Variants in ARHGAP28 observed in about 807,000 individuals in gnomAD.
ARHGAP28 encodes Rho GTPase activating protein 28.
In ARHGAP28, 56 loss-of-function variants were observed where a neutral mutation model predicts 90.7. The observed-to-expected ratio is 0.62, with a 90% CI of 0.50 to 0.77. ARHGAP28 has a LOEUF of 0.77. Among genes scored for constraint, ARHGAP28 ranks in the 30% least tolerant of loss-of-function variants. ARHGAP28 has a pLI of 0.00. For synonymous variants in ARHGAP28, 308 were observed against 323.3 expected (o/e 0.95, Z 0.51); for missense variants, 869 against 900.9 (o/e 0.96, Z 0.45).
rs1377642040 is a variant in ARHGAP28, at chr18:6,912,352, T to G, written c.*198T>G. On this transcript the variant is annotated 3_prime_UTR_variant, in exon 18 of 18. Coordinates refer to ENST00000383472, the MANE Select transcript of ARHGAP28 (RefSeq NM_001366230.1). ...AATTCAACTGAAGCTTTCTCATGAC[T>G]TTTTTTTTTATAAAAGTAAAGGAAA... 2 of 283,254 alleles carry G rather than the reference T, an allele frequency of 7.1e-6. No individual in the cohort carries two copies. Among genetic ancestry groups the G allele is most frequent in the Admixed American group, 5.2e-5 (1 of 19,350 alleles). 17.5% of individuals were successfully genotyped at this position (283,254 alleles called of 1,614,324 possible). A position where few individuals can be genotyped will look rare whatever the true frequency, so the allele number is the denominator to read the frequency against.
At chr18:6,903,333 A>G (rs1225369141) in intron 16 of ARHGAP28, among the ~76,000 whole-genome samples, 2 of 152,242 alleles carry the variant, frequency 1.3e-5, no homozygotes, top group East Asian at 3.8e-4. Context: ...TGATAGAAAT[A>G]TAAAAATTTT....
chr18:6,831,033 A>G (rs919947324), intron 2 of ARHGAP28, among the ~76,000 whole-genome samples: 5 of 152,138 alleles, frequency 3.3e-5, no homozygotes, highest in African/African-American at 1.2e-4. Context: ...TAGTTGTACT[A>G]TTTTACACTC....
In ARHGAP28 at chr18:6,837,544, TAAA is replaced by T. The variant is rs1461033547; in HGVS notation, c.543+131_543+133del. On this transcript the variant is annotated intron_variant, in intron 3 of 17. Transcript: ENST00000383472. ...TTCCATTCTAACTTTTTGAGAAAAC[TAAA>T]GCAGACAGCACAGTGCAAATTTTTA... 8 of 698,690 alleles carry T rather than the reference TAAA, an allele frequency of 1.1e-5. No homozygotes were observed. The African/African-American group carries it at 1.4e-4, about 13-fold the overall frequency. 43.3% of individuals were successfully genotyped at this position (698,690 alleles called of 1,614,324 possible). A position where few individuals can be genotyped will look rare whatever the true frequency, so the allele number is the denominator to read the frequency against.
At chr18:6,873,280 G>A in intron 7 of ARHGAP28, 129 bp from the exon 8 acceptor site, 1 of 730,412 alleles carries the variant, frequency 1.4e-6, no homozygotes, top group Non-Finnish European at 2.3e-6. Context: ...GATGCAGCAT[G>A]CTCCTTAGAG....
intron 15 of ARHGAP28, 24 bp downstream of exon 15, chr18:6,894,915 C>T (rs764728556): frequency 1.2e-6 from 2 of 1,603,052 alleles, no homozygotes; most frequent in Non-Finnish European, 1.7e-6. Context: ...TTTCTTTTCC[C>T]TTCCATTAAC....
intron 2 of ARHGAP28, among the ~76,000 whole-genome samples, chr18:6,836,850 G>C (rs1414806596): frequency 6.6e-6 from 1 of 152,058 alleles, no homozygotes; most frequent in African/African-American, 2.4e-5. Flanking sequence ...AAACCAATTT[G>C]TATTCCATTA....
At chr18:6,871,512 G>A (rs533977789) in intron 7 of ARHGAP28, among the ~76,000 whole-genome samples, 1 of 152,222 alleles carries the variant, frequency 6.6e-6, no homozygotes, top group South Asian at 2.1e-4. Context: ...TACATGATGG[G>A]CAAAGAGAGC....
In ARHGAP28 at chr18:6,783,619, C is replaced by T. The variant is rs145142021; in HGVS notation, c.123-41143C>T. On this transcript the variant is annotated intron_variant, in intron 1 of 17. Coordinates refer to ENST00000383472, the MANE Select transcript of ARHGAP28 (RefSeq NM_001366230.1). ...ACCGGCCTGGGTATTTACTTTTAACCACAGGACATAACACATTGCTGAATT... is the reference window on the plus strand; with the variant it reads ...ACCGGCCTGGGTATTTACTTTTAACTACAGGACATAACACATTGCTGAATT... Among the ~76,000 whole-genome samples the T allele has an allele frequency of 6.4e-4, 98 of 152,134 alleles. 1 individual carries two copies. The highest frequency in any genetic ancestry group is 2.2e-3 in the African/African-American group (91 of 41,492).
intron 3 of ARHGAP28, among the ~76,000 whole-genome samples, chr18:6,839,402 TCC>T (rs34803814): frequency 6.6e-6 from 1 of 151,238 alleles, no homozygotes. Context: ...CACGCCATTC[TCC>T]CCCCTCAGCC....
chr18:6,889,834 CAG>C (rs1437397976), intron 12 of ARHGAP28, 52 bp from the exon 13 acceptor site: 4 of 1,535,588 alleles, frequency 2.6e-6, no homozygotes, highest in Admixed American at 1.7e-5. Flanking sequence ...TGATAGCAAT[CAG>C]GGGCACTTTT....
chr18:6,764,425 T>G (rs926568130), intron 1 of ARHGAP28, among the ~76,000 whole-genome samples: 7 of 152,160 alleles, frequency 4.6e-5, no homozygotes, highest in African/African-American at 1.7e-4. Context: ...TTGGAGCATA[T>G]CCCCTGAGGA....
At chr18:6,876,442 A>G (rs2057131597) in intron 10 of ARHGAP28, among the ~76,000 whole-genome samples, 1 of 152,240 alleles carries the variant, frequency 6.6e-6, no homozygotes, top group Non-Finnish European at 1.5e-5. Flanking sequence ...GAAATAGCAC[A>G]TCAATTCACC....
At chr18:6,847,199 G>A (rs1348403407) in intron 3 of ARHGAP28, among the ~76,000 whole-genome samples, 1 of 152,036 alleles carries the variant, frequency 6.6e-6, no homozygotes, top group Non-Finnish European at 1.5e-5. Context: ...CCTGCTATTA[G>A]GCCACCTGAT....
chr18:6,858,869 TAA>T (rs11443979), intron 4 of ARHGAP28, among the ~76,000 whole-genome samples: 1 of 144,692 alleles, frequency 6.9e-6, no homozygotes, highest in African/African-American at 2.5e-5. Context: ...TTTGTTTCTT[TAA>T]AAAAAAAAAA....
intron 9 of ARHGAP28, among the ~76,000 whole-genome samples, chr18:6,874,141 A>G (rs2057112797): frequency 6.6e-6 from 1 of 152,244 alleles, no homozygotes; most frequent in Admixed American, 6.5e-5. Context: ...ATCTAGATAA[A>G]GATGACCATT....
At chr18:6,753,238 G>A (rs1472573789) in intron 1 of ARHGAP28, among the ~76,000 whole-genome samples, 2 of 152,158 alleles carry the variant, frequency 1.3e-5, no homozygotes, top group African/African-American at 4.8e-5. Flanking sequence ...TTATTTTCAG[G>A]ACAATATTGT....
intron 3 of ARHGAP28, among the ~76,000 whole-genome samples, chr18:6,845,458 A>T (rs1006197426): frequency 2.6e-5 from 4 of 152,106 alleles, no homozygotes; most frequent in African/African-American, 9.7e-5. Context: ...CATGTGCAGG[A>T]TGTGCAGGTT....
At chr18:6,753,202 GAA>G (rs2143272326) in intron 1 of ARHGAP28, among the ~76,000 whole-genome samples, 1 of 152,256 alleles carries the variant, frequency 6.6e-6, no homozygotes, top group East Asian at 1.9e-4. Context: ...AAGAGTTGTT[GAA>G]AGAGACTATT....
At chr18:6,749,970 G>A (rs2056055802) in intron 1 of ARHGAP28, among the ~76,000 whole-genome samples, 2 of 152,024 alleles carry the variant, frequency 1.3e-5, no homozygotes, top group Admixed American at 1.3e-4. Flanking sequence ...CTTCAAAATG[G>A]CATTTGTGAT....
Sources: allele counts gnomAD v4.1 joint callset (sites outside exome capture counted in the v4.1 genomes callset), GRCh38; gene constraint gnomAD v4.1.1; transcripts MANE v1.5; gene names NCBI Gene and HGNC (gene_info 2026-07-23, HGNC 2026-07-21).